The following ATP13A5 variants were observed in gnomAD, a reference collection of about 807,000 sequenced individuals.
ATP13A5 encodes probable cation-transporting ATPase 13A5.
Under a neutral mutation model 150.2 loss-of-function variants are expected in ATP13A5, and 149 were observed. The observed-to-expected ratio is 0.99, with a 90% confidence interval of 0.87 to 1.14. ATP13A5 has a LOEUF of 1.14. Among genes scored for constraint, ATP13A5 ranks in the 50% most tolerant of loss-of-function variants. The probability of loss-of-function intolerance (pLI) is 0.00; values close to 1 mark genes in which losing one functional copy is unlikely to be tolerated. For synonymous variants in ATP13A5, 497 were observed against 522.2 expected (o/e 0.95, Z 0.66); for missense variants, 1,383 against 1,449.3 (o/e 0.95, Z 0.74).
At chr3:193,317,764 T>C (rs1719104115) in intron 17 of ATP13A5, among the ~76,000 whole-genome samples, 1 of 152,224 alleles carries the variant, frequency 6.6e-6, no homozygotes, top group Non-Finnish European at 1.5e-5. Context: ...GTTGGAAATA[T>C]AGCACATTTT....
rs2108866625 is a variant in ATP13A5 at position 193,325,112 on chromosome 3, A to G, written c.1524-98T>C. The G allele has an allele frequency of 5.6e-6, 7 of 1,242,508 alleles. No homozygotes were observed. The East Asian group carries it at 1.4e-4, about 25-fold the overall frequency. 77.0% of individuals were successfully genotyped at this position (1,242,508 alleles called of 1,614,324 possible). A position where few individuals can be genotyped will look rare whatever the true frequency, so the allele number is the denominator to read the frequency against. ...GTGGAGCTCCAAACACCTAACGTTC[A>G]TGCTCAGAACCTTCCCATGGCTCCC... On this transcript the variant is annotated intron_variant, in intron 13 of 29. Coordinates refer to ENST00000342358, the MANE Select transcript of ATP13A5 (RefSeq NM_198505.4).
intron 9 of ATP13A5, among the ~76,000 whole-genome samples, chr3:193,338,917 T>A (rs1712004579): frequency 1.3e-5 from 2 of 152,200 alleles, no homozygotes; most frequent in Admixed American, 6.5e-5. Context: ...TCAGAGCCTG[T>A]TATTTGTCTA....
At chr3:193,287,767 G>A (rs749463131) in intron 26 of ATP13A5, among the ~76,000 whole-genome samples, 104 of 152,052 alleles carry the variant, frequency 6.8e-4, no homozygotes, top group Non-Finnish European at 9.6e-4. Flanking sequence ...TATTTTTTAA[G>A]AAATACACTT....
intron 26 of ATP13A5, among the ~76,000 whole-genome samples, chr3:193,287,286 T>G (rs1045396461): frequency 1.3e-5 from 2 of 152,146 alleles, no homozygotes; most frequent in African/African-American, 4.8e-5. Context: ...TCAGTGGAAA[T>G]GAAACAGCCT....
intron 17 of ATP13A5, among the ~76,000 whole-genome samples, chr3:193,317,082 G>A (rs1024312409): frequency 1.3e-5 from 2 of 152,114 alleles, no homozygotes; most frequent in East Asian, 1.9e-4. Flanking sequence ...TAGGCACTTG[G>A]CTGCTTGTTA....
intron 7 of ATP13A5, among the ~76,000 whole-genome samples, chr3:193,347,503 T>C (rs969359492): frequency 1.4e-5 from 2 of 147,838 alleles, no homozygotes; most frequent in African/African-American, 5.0e-5. Flanking sequence ...TTTAAGAAGA[T>C]AAAAATCCTT....
At chr3:193,317,831 C>A (rs767984339) in intron 17 of ATP13A5, among the ~76,000 whole-genome samples, 3 of 152,178 alleles carry the variant, frequency 2.0e-5, no homozygotes, top group African/African-American at 7.2e-5. Flanking sequence ...GTGGCTCTTA[C>A]ATGAGAACAA....
chr3:193,336,997 G>A (rs2108878519), intron 9 of ATP13A5, among the ~76,000 whole-genome samples: 1 of 152,236 alleles, frequency 6.6e-6, no homozygotes, highest in Middle Eastern at 3.4e-3. Context: ...GTGATGATGA[G>A]CATTTTTTCA....
At chr3:193,365,535 TTAGTTTTATTTGTGAATTA>T (rs1403716373) in intron 1 of ATP13A5, among the ~76,000 whole-genome samples, 3 of 152,152 alleles carry the variant, frequency 2.0e-5, no homozygotes, top group Non-Finnish European at 2.9e-5. Flanking sequence ...TAAACCTGCT[TTAGTTTTATTTGTGAATTA>T]TAGTTTTATT....
At chr3:193,350,960 A>G in intron 7 of ATP13A5, 107 bp downstream of exon 7, 3 of 1,328,272 alleles carry the variant, frequency 2.3e-6, no homozygotes, top group Non-Finnish European at 3.1e-6. Flanking sequence ...TTTTTGTTTT[A>G]TGACTTATGG....
At chr3:193,346,369 C>T (rs371360915) in intron 7 of ATP13A5, among the ~76,000 whole-genome samples, 41 of 152,184 alleles carry the variant, frequency 2.7e-4, no homozygotes, top group African/African-American at 9.6e-4. Flanking sequence ...TATAGGATAA[C>T]ACAGGGGACA....
chr3:193,322,597 A>G (rs766093925), intron 14 of ATP13A5, 23 bp from the exon 15 acceptor site: 14 of 1,489,724 alleles, frequency 9.4e-6, no homozygotes, highest in South Asian at 3.5e-5. Context: ...GAAAACATTC[A>G]TAAGATTCTT....
At chr3:193,354,105 A>AAAAG (rs757207679) in intron 6 of ATP13A5, 22 bp downstream of exon 6, 1 of 1,586,708 alleles carries the variant, frequency 6.3e-7, no homozygotes, top group South Asian at 1.2e-5. Context: ...TTTTCAAAAA[A>AAAAG]AAAAGAAAAG....
chr3:193,297,032 T>C (rs532123147), intron 25 of ATP13A5, among the ~76,000 whole-genome samples: 28 of 152,196 alleles, frequency 1.8e-4, no homozygotes, highest in Admixed American at 1.8e-3. Context: ...ACCTAGGTGA[T>C]GGGTTGAACT....
intron 7 of ATP13A5, among the ~76,000 whole-genome samples, chr3:193,346,279 G>C (rs1012910675): frequency 6.6e-6 from 1 of 152,174 alleles, no homozygotes. Context: ...GGAAAGACTT[G>C]CTTGAGATCG....
At chr3:193,286,779 T>A (rs1368714049) in intron 26 of ATP13A5, among the ~76,000 whole-genome samples, 1 of 152,104 alleles carries the variant, frequency 6.6e-6, no homozygotes, top group African/African-American at 2.4e-5. Flanking sequence ...CGTGTCTCTC[T>A]CTTTAAATAA....
intron 21 of ATP13A5, 168 bp from the exon 22 acceptor site, chr3:193,307,537 G>A (rs1274508388): frequency 2.7e-6 from 2 of 749,898 alleles, no homozygotes; most frequent in African/African-American, 1.8e-5. Context: ...TATTCCCAGA[G>A]GGAAAAGGCA....
rs748799196 is a variant in ATP13A5 at position 193,275,181 on chromosome 3, A to C, written c.3518T>G (p.Ile1173Arg). Residue 1173 changes from isoleucine (I) to arginine (R), a missense_variant, in exon 30 of 30, where the codon ATA becomes AGA. By Grantham distance (97) the Ile-to-Arg change is moderately conservative (BLOSUM62 -3). Transcript: ENST00000342358. Reference protein sequence around the residue: ...KLAEDSTWPPINRTDYSGDGK... With the variant: ...KLAEDSTWPPRNRTDYSGDGK... ...ATCACCTGAATAATCTGTCCTGTTT[A>C]TGGGAGGCCAGGTTGAGTCTTCTGC... The C allele has an allele frequency of 8.7e-6, 14 of 1,614,146 alleles. No homozygotes were observed. The South Asian group carries it at 1.3e-4, about 15-fold the overall frequency.
At chr3:193,301,470 C>T (rs544508868) in intron 23 of ATP13A5, among the ~76,000 whole-genome samples, 163 bp from the exon 24 acceptor site, 1 of 152,268 alleles carries the variant, frequency 6.6e-6, no homozygotes, top group South Asian at 2.1e-4. Flanking sequence ...CATTCATTCT[C>T]TCCTTCAATC....
Sources: allele counts gnomAD v4.1 joint callset (sites outside exome capture counted in the v4.1 genomes callset), GRCh38; gene constraint gnomAD v4.1.1; transcripts MANE v1.5; gene names NCBI Gene and HGNC (gene_info 2026-07-23, HGNC 2026-07-21).